Variants in SYNGR4 observed in about 807,000 individuals in gnomAD.
The protein encoded by SYNGR4 is synaptogyrin 4, also known as synaptogyrin-4.
Under a neutral mutation model 15.5 loss-of-function variants are expected in SYNGR4, and 15 were observed. That is an observed-to-expected ratio of 0.97 (90% confidence interval 0.65 to 1.49). SYNGR4 has a LOEUF of 1.49. Among genes scored for constraint, SYNGR4 ranks in the 40% most tolerant of loss-of-function variants. SYNGR4 has a pLI of 0.00. For synonymous variants in SYNGR4, 121 were observed against 127.4 expected (o/e 0.95, Z 0.34); for missense variants, 292 against 299.3 (o/e 0.98, Z 0.18).
chr19:48,373,613 G>T lies in SYNGR4; in HGVS notation c.190G>T (p.Val64Leu). 5 of 1,613,814 alleles carry T rather than the reference G, an allele frequency of 3.1e-6. No homozygotes were observed. Among genetic ancestry groups the T allele is most frequent in the Non-Finnish European group, 4.2e-6 (5 of 1,180,022 alleles). The part of the protein sequence containing the change: ...QLHCILNSNS[V>L]ACSFAVGAGF... ...CCACTGCATTCTCAACAGCAACAGC[G>T]TGGCCTGCAGCTTTGCCGTGGGAGC... Residue 64 changes from valine (V) to leucine (L), a missense_variant, in exon 3 of 5, where the codon GTG becomes TTG. Transcript: ENST00000344846.
intron 3 of SYNGR4, among the ~76,000 whole-genome samples, chr19:48,375,251 C>G (rs1970383235): frequency 6.6e-6 from 1 of 151,916 alleles, no homozygotes; most frequent in Non-Finnish European, 1.5e-5. Flanking sequence ...GTCTCGAACA[C>G]CTGGCCTCGA....
intron 1 of SYNGR4, 77 bp from the exon 2 acceptor site, chr19:48,365,659 C>CCCCCTT: frequency 3.7e-6 from 1 of 271,238 alleles, no homozygotes; most frequent in African/African-American, 2.7e-5. Context: ...CACCCCATGT[C>CCCCCTT]CCCCAATCCT....
chr19:48,373,570 G>A lies in SYNGR4; in HGVS notation c.147G>A (p.Lys49=). ...SSLLTDGYQN[K]MESPQLHCIL... Reference sequence around the variant, plus strand: ...TGCTGACCGACGGCTACCAGAACAAGATGGAGTCTCCGCAGCTCCACTGCA... The same window carrying A: ...TGCTGACCGACGGCTACCAGAACAAAATGGAGTCTCCGCAGCTCCACTGCA... The change falls in exon 3 of 5, where the codon AAG becomes AAA. Residue 49 remains lysine, a synonymous_variant. Coordinates refer to ENST00000344846, the MANE Select transcript of SYNGR4 (RefSeq NM_012451.4). 6.2e-7 allele frequency: 1 copy of A among 1,613,868 alleles called. No homozygotes were observed. Among genetic ancestry groups the A allele is most frequent in the Non-Finnish European group, 8.5e-7 (1 of 1,180,034 alleles).
At position 48,365,935 on chromosome 19, in the gene SYNGR4, G is replaced by C. The variant is rs1488376410; in HGVS notation, c.93G>C (p.Gly31=). Residue 31 remains glycine, a splice_region_variant and synonymous_variant, in exon 2 of 5, where the codon GGG becomes GGC. Coordinates refer to ENST00000344846, the MANE Select transcript of SYNGR4 (RefSeq NM_012451.4). ...AGACCATCACGCGGGTCTTCGAAGG[G>C]GTGAGGCCCTCCCATGGCCCGACTG... ...RPKTITRVFE[G]VFSLIVFSSL... 4 of 1,613,244 alleles carry C rather than the reference G, an allele frequency of 2.5e-6. No homozygotes were observed. Among genetic ancestry groups the C allele is most frequent in the Non-Finnish European group, 3.4e-6 (4 of 1,179,894 alleles).
chr19:48,372,384 G>T (rs111759921), intron 2 of SYNGR4, among the ~76,000 whole-genome samples: 1 of 151,972 alleles, frequency 6.6e-6, no homozygotes, highest in East Asian at 1.9e-4. Flanking sequence ...GGTGGCTCAC[G>T]CCTGTAATCC....
At position 48,373,698 on chromosome 19, in the gene SYNGR4, G is replaced by A. The variant is rs777440387; in HGVS notation, c.275G>A (p.Arg92His). The A allele has an allele frequency of 2.2e-5, 36 of 1,613,800 alleles. No homozygotes were observed. The highest frequency in any genetic ancestry group is 2.8e-5 in the Non-Finnish European group (33 of 1,180,028). ...AFLVLDTQET[R>H]IAGTRFKTAF... Reference sequence around the variant, plus strand: ...CTCGTCCTGGACACACAGGAGACCCGCATTGCCGGCACCCGCTTCAAGACA... The same window carrying A: ...CTCGTCCTGGACACACAGGAGACCCACATTGCCGGCACCCGCTTCAAGACA... Residue 92 changes from arginine (R) to histidine (H), a missense_variant, in exon 3 of 5, where the codon CGC (arginine) becomes CAC (histidine). Transcript: ENST00000344846.
intron 2 of SYNGR4, among the ~76,000 whole-genome samples, chr19:48,369,599 A>C (rs28581938): frequency 0.041 from 6,222 of 152,272 alleles, 415 homozygotes; most frequent in African/African-American, 0.14. Context: ...AGGCTCCAAG[A>C]GATGAGTGAT....
chr19:48,365,664 AAT>A, intron 1 of SYNGR4, 70 bp from the exon 2 acceptor site: 1 of 36,988 alleles, frequency 2.7e-5, no homozygotes, highest in Non-Finnish European at 5.0e-5. Flanking sequence ...CATGTCCCCC[AAT>A]CCTGGGGCCC....
intron 1 of SYNGR4, among the ~76,000 whole-genome samples, chr19:48,365,358 C>T (rs1485672584): frequency 8.2e-6 from 1 of 122,674 alleles, no homozygotes; most frequent in African/African-American, 3.3e-5. Flanking sequence ...CCTGGGACCC[C>T]CCAGAACCCC....
At position 48,365,791 on chromosome 19, in the gene SYNGR4, G is replaced by T. The variant is rs141177966; in HGVS notation, c.-52G>T. The T allele has an allele frequency of 7.5e-6, 12 of 1,597,974 alleles. No individual in the cohort carries two copies. The Admixed American group carries it at 2.0e-4, about 27-fold the overall frequency. ...CGGACGGCAGTGCCCAGCAGGCAGC[G>T]CCCAGCACCCTGGCTCCCACCTCCC... On this transcript the variant is annotated 5_prime_UTR_variant, in exon 2 of 5. Transcript: ENST00000344846.
intron 1 of SYNGR4, among the ~76,000 whole-genome samples, chr19:48,365,268 A>C: frequency 4.9e-5 from 1 of 20,322 alleles, no homozygotes; most frequent in African/African-American, 4.5e-4. Context: ...ACACAACCCC[A>C]TTCCTGGGAA....
intron 2 of SYNGR4, among the ~76,000 whole-genome samples, chr19:48,367,208 G>A (rs149748465): frequency 0.022 from 3,360 of 151,582 alleles, 124 homozygotes; most frequent in African/African-American, 0.076. Context: ...CGAGGCGGGC[G>A]GATCGTGAGG....
intron 2 of SYNGR4, 67 bp from the exon 3 acceptor site, chr19:48,373,450 C>A: frequency 1.5e-6 from 2 of 1,377,564 alleles, no homozygotes; most frequent in Admixed American, 3.4e-5. Flanking sequence ...ACCGACAGCA[C>A]CAGGGAGGAA....
At chr19:48,373,000 C>T (rs1038384592) in intron 2 of SYNGR4, 5 of 164,076 alleles carry the variant, frequency 3.0e-5, no homozygotes, top group Admixed American at 2.8e-4. Context: ...TTCAGCTCTT[C>T]CCATGTCCCG....
intron 4 of SYNGR4, 133 bp from the exon 5 acceptor site, chr19:48,375,952 C>G: frequency 6.5e-7 from 1 of 1,535,718 alleles, no homozygotes; most frequent in Non-Finnish European, 8.7e-7. Context: ...GTGCTTTGGC[C>G]TAGGGCTCCT....
chr19:48,368,909 G>T (rs796723717), intron 2 of SYNGR4, among the ~76,000 whole-genome samples: 1 of 152,184 alleles, frequency 6.6e-6, no homozygotes, highest in Non-Finnish European at 1.5e-5. Flanking sequence ...GCTCACAGAG[G>T]TTGAGTGGCA....
chr19:48,376,364 G>A lies in SYNGR4; in HGVS notation c.*46G>A, dbSNP rs374051336. ...AAAGAGAGAATCCTCCCTCCAGAAGGGTTTCTAAAAACAGCCCTCAGTCCT... is the reference window on the plus strand; with the variant it reads ...AAAGAGAGAATCCTCCCTCCAGAAGAGTTTCTAAAAACAGCCCTCAGTCCT... On this transcript the variant is annotated 3_prime_UTR_variant, in exon 5 of 5. Coordinates refer to ENST00000344846, the MANE Select transcript of SYNGR4 (RefSeq NM_012451.4). 2 of 1,588,612 alleles carry A rather than the reference G, an allele frequency of 1.3e-6. No individual in the cohort carries two copies. The highest frequency in any genetic ancestry group is 1.1e-5 in the South Asian group (1 of 87,832).
intron 1 of SYNGR4, 38 bp from the exon 2 acceptor site, chr19:48,365,698 G>C: frequency 2.5e-6 from 1 of 408,122 alleles, no homozygotes; most frequent in South Asian, 3.9e-5. Context: ...TCCACCCCGT[G>C]CCCCTGACTG....
Position 48,373,645 on chromosome 19 carries a change from C to T in SYNGR4, c.222C>T (p.Phe74=). 1 of 1,613,784 alleles carries T rather than the reference C, an allele frequency of 6.2e-7. No individual in the cohort carries two copies. The highest frequency in any genetic ancestry group is 8.5e-7 in the Non-Finnish European group (1 of 1,180,020). The change falls in exon 3 of 5, where the codon TTC becomes TTT. Residue 74 remains phenylalanine, a synonymous_variant. Coordinates refer to ENST00000344846, the MANE Select transcript of SYNGR4 (RefSeq NM_012451.4). The part of the protein sequence containing the change: ...VACSFAVGAG[F]LAFLSCLAFL... The stretch of plus-strand genomic sequence containing the variant: ...GCAGCTTTGCCGTGGGAGCCGGCTT[C>T]CTGGCCTTCCTCAGCTGCCTGGCCT...
Sources: allele counts gnomAD v4.1 joint callset (sites outside exome capture counted in the v4.1 genomes callset), GRCh38; gene constraint gnomAD v4.1.1; transcripts MANE v1.5; gene names NCBI Gene and HGNC (gene_info 2026-07-23, HGNC 2026-07-21).